FOXP1: variants seen among roughly 807,000 people sequenced by gnomAD.
FOXP1 encodes forkhead box P1, also known as forkhead box protein P1.
Under a neutral mutation model 98.2 loss-of-function variants are expected in FOXP1, and 15 were observed. The observed-to-expected ratio is 0.15, with a 90% CI of 0.10 to 0.24. The LOEUF (loss-of-function observed/expected upper bound fraction) is 0.24. Among genes scored for constraint, FOXP1 ranks in the 10% least tolerant of loss-of-function variants. The pLI is 1.00. For synonymous variants in FOXP1, 371 were observed against 314.5 expected, an observed-to-expected ratio of 1.18 and a Z score of -1.90; for missense variants, 633 against 848.5, an observed-to-expected ratio of 0.75 and a Z score of 3.15.
chr3:71,443,197 AT>A (rs2086108971), intron 3 of FOXP1, among the ~76,000 whole-genome samples: 1 of 152,092 alleles, frequency 6.6e-6, no homozygotes, highest in Admixed American at 6.5e-5. Context: ...CCCGGCCCTT[AT>A]TTTGTTTTTA....
chr3:71,342,617 G>A (rs187281116), intron 4 of FOXP1, among the ~76,000 whole-genome samples: 13 of 151,928 alleles, frequency 8.6e-5, no homozygotes, highest in East Asian at 1.9e-4. Context: ...TGCTTAAACC[G>A]GGGAGGTGGA....
At chr3:71,421,022 G>A (rs1178206443) in intron 3 of FOXP1, among the ~76,000 whole-genome samples, 1 of 152,088 alleles carries the variant, frequency 6.6e-6, no homozygotes, top group African/African-American at 2.4e-5. Context: ...GCTCTATAAT[G>A]TCAGAACGCC....
chr3:71,303,827 A>G (rs1243140631), intron 4 of FOXP1, among the ~76,000 whole-genome samples: 2 of 152,204 alleles, frequency 1.3e-5, no homozygotes, highest in Non-Finnish European at 2.9e-5. Flanking sequence ...AAAATAGAGA[A>G]AAACAGAGGG....
chr3:71,365,961 G>T (rs571907676), intron 3 of FOXP1, among the ~76,000 whole-genome samples: 25 of 152,280 alleles, frequency 1.6e-4, no homozygotes, highest in African/African-American at 6.0e-4. Flanking sequence ...GACAGGGCAA[G>T]ACTCCATTTT....
intron 6 of FOXP1, among the ~76,000 whole-genome samples, chr3:71,187,589 A>G (rs190351206): frequency 2.4e-4 from 37 of 152,326 alleles, no homozygotes; most frequent in Admixed American, 2.3e-3. Flanking sequence ...ATCTCAAAAA[A>G]CAAAAAAACT....
chr3:71,533,582 G>C (rs2044039260), intron 2 of FOXP1, among the ~76,000 whole-genome samples: 2 of 152,106 alleles, frequency 1.3e-5, no homozygotes, highest in African/African-American at 4.8e-5. Flanking sequence ...ATTTTCGACT[G>C]TGTGGAAAAT....
intron 4 of FOXP1, among the ~76,000 whole-genome samples, chr3:71,356,086 A>T (rs958322904): frequency 1.3e-5 from 2 of 152,090 alleles, no homozygotes; most frequent in African/African-American, 4.8e-5. Flanking sequence ...AGGTGGCAGA[A>T]GATCGACATC....
intron 3 of FOXP1, among the ~76,000 whole-genome samples, chr3:71,431,891 A>G (rs905411360): frequency 6.6e-6 from 1 of 152,122 alleles, no homozygotes; most frequent in African/African-American, 2.4e-5. Context: ...CTATAGAGTG[A>G]TTTTTTTAAA....
chr3:71,261,546 T>C (rs13060551), intron 5 of FOXP1, among the ~76,000 whole-genome samples: 1,744 of 152,310 alleles, frequency 0.011, 25 homozygotes, highest in Non-Finnish European at 0.018. Flanking sequence ...AACAAGATTT[T>C]TTTTTCTTTT....
At chr3:71,397,668 C>T (rs2081630581) in intron 3 of FOXP1, among the ~76,000 whole-genome samples, 2 of 152,126 alleles carry the variant, frequency 1.3e-5, no homozygotes, top group Non-Finnish European at 2.9e-5. Flanking sequence ...ATAGGAGGAC[C>T]CCATATTTTC....
At chr3:71,366,784 C>T (rs1325437472) in intron 3 of FOXP1, among the ~76,000 whole-genome samples, 1 of 152,176 alleles carries the variant, frequency 6.6e-6, no homozygotes, top group East Asian at 1.9e-4. Context: ...ATCTTACGCA[C>T]TCAATTAACA....
chr3:71,350,865 T>G (rs1247551630), intron 4 of FOXP1, among the ~76,000 whole-genome samples: 1 of 152,184 alleles, frequency 6.6e-6, no homozygotes, highest in Non-Finnish European at 1.5e-5. Context: ...TCTTTTCACC[T>G]ACTTCCCATT....
intron 3 of FOXP1, among the ~76,000 whole-genome samples, chr3:71,430,147 T>C (rs914791906): frequency 6.6e-6 from 1 of 152,158 alleles, no homozygotes; most frequent in African/African-American, 2.4e-5. Context: ...TCAGGTTTTT[T>C]ACAGGCTCCC....
At chr3:71,004,167 G>A (rs922926980) in intron 12 of FOXP1, among the ~76,000 whole-genome samples, 3 of 151,980 alleles carry the variant, frequency 2.0e-5, no homozygotes, top group East Asian at 3.9e-4. Context: ...ACAAACATTT[G>A]TTTTGTTAAA....
At chr3:71,464,349 G>A (rs1219309131) in intron 3 of FOXP1, among the ~76,000 whole-genome samples, 1 of 152,224 alleles carries the variant, frequency 6.6e-6, no homozygotes, top group Admixed American at 6.5e-5. Context: ...CCCAGAGAAT[G>A]CCCTGCTCCC....
At chr3:71,419,813 TTA>T (rs550122201) in intron 3 of FOXP1, among the ~76,000 whole-genome samples, 49 of 147,592 alleles carry the variant, frequency 3.3e-4, no homozygotes, top group Admixed American at 5.3e-4. Context: ...GTATTTTTTT[TTA>T]TTATTATTAT....
intron 2 of FOXP1, among the ~76,000 whole-genome samples, chr3:71,544,561 T>C (rs2045200443): frequency 6.6e-6 from 1 of 152,186 alleles, no homozygotes; most frequent in Non-Finnish European, 1.5e-5. Context: ...AATCCAAACC[T>C]GAAGCACTTG....
intron 2 of FOXP1, among the ~76,000 whole-genome samples, chr3:71,554,394 A>C (rs1006145542): frequency 1.3e-5 from 2 of 152,206 alleles, no homozygotes; most frequent in African/African-American, 4.8e-5. Context: ...AAATGTGTTT[A>C]ATCACCACAA....
At chr3:71,324,644 A>G (rs943885948) in intron 4 of FOXP1, among the ~76,000 whole-genome samples, 2 of 152,116 alleles carry the variant, frequency 1.3e-5, no homozygotes, top group Admixed American at 6.6e-5. Context: ...GAGGGATAGC[A>G]TTAGGAGATA....
Sources: gnomAD v4.1 joint callset for allele counts (sites outside exome capture counted in the v4.1 genomes callset) on GRCh38, gnomAD v4.1.1 for gene constraint, MANE v1.5 for transcripts, NCBI Gene and HGNC (gene_info 2026-07-23, HGNC 2026-07-21) for gene names.